The following CTDSPL2 variants were observed in gnomAD, a reference collection of about 807,000 sequenced individuals.
CTDSPL2 encodes the protein CTD small phosphatase-like protein 2.
Under a neutral mutation model 60.0 loss-of-function variants are expected in CTDSPL2, and 5 were observed. The observed-to-expected ratio is 0.08, with a 90% CI of 0.04 to 0.18. CTDSPL2 has a LOEUF of 0.18. Among genes scored for constraint, CTDSPL2 ranks in the 10% least tolerant of loss-of-function variants. The probability of loss-of-function intolerance (pLI) is 1.00; values close to 1 mark genes in which losing one functional copy is unlikely to be tolerated. For synonymous variants in CTDSPL2, 186 were observed against 189.3 expected, an observed-to-expected ratio of 0.98 and a Z score of 0.14; for missense variants, 370 against 548.8, an observed-to-expected ratio of 0.67 and a Z score of 3.26.
chr15:44,466,187 T>C (rs1371766999), intron 2 of CTDSPL2, among the ~76,000 whole-genome samples: 1 of 152,162 alleles, frequency 6.6e-6, no homozygotes, highest in Non-Finnish European at 1.5e-5. Context: ...TCCACCCGCC[T>C]CAGCCTCCCA....
chr15:44,509,332 G>A (rs540629344), intron 8 of CTDSPL2, among the ~76,000 whole-genome samples: 52 of 152,136 alleles, frequency 3.4e-4, no homozygotes, highest in Admixed American at 2.8e-3. Flanking sequence ...CTTTCAAGTA[G>A]CTGGGACTAC....
chr15:44,461,658 T>A (rs1261766687), intron 2 of CTDSPL2, among the ~76,000 whole-genome samples: 7 of 150,140 alleles, frequency 4.7e-5, no homozygotes, highest in Non-Finnish European at 1.0e-4. Context: ...CCACAAGCAG[T>A]CATCCCACCT....
At chr15:44,504,706 T>C (rs184361558) in intron 8 of CTDSPL2, among the ~76,000 whole-genome samples, 1 of 143,496 alleles carries the variant, frequency 7.0e-6, no homozygotes, top group African/African-American at 2.6e-5. Flanking sequence ...TCCTGTCCCT[T>C]CCAAAAAAAA....
intron 1 of CTDSPL2, among the ~76,000 whole-genome samples, chr15:44,452,370 A>G (rs563290868): frequency 3.0e-4 from 46 of 152,246 alleles, no homozygotes; most frequent in African/African-American, 1.0e-3. Context: ...TTATGATAGA[A>G]GTTCCTTTGT....
intron 1 of CTDSPL2, chr15:44,448,893 T>TA (rs2080276246): frequency 2.4e-6 from 1 of 418,342 alleles, no homozygotes; most frequent in Admixed American, 3.5e-5. Context: ...TGAATGTAGA[T>TA]ATAGCTTGCA....
chr15:44,468,715 C>T lies in CTDSPL2; in HGVS notation c.186+9515C>T, dbSNP rs980025236. ...AAATGAATGAACATGGCTTTGGACACGGGTACAGTAGTTCCCCCCTATCTT... is the reference window on the plus strand; with the variant it reads ...AAATGAATGAACATGGCTTTGGACATGGGTACAGTAGTTCCCCCCTATCTT... On this transcript the variant is annotated intron_variant, in intron 2 of 12. Coordinates refer to ENST00000260327, the MANE Select transcript of CTDSPL2 (RefSeq NM_016396.3). 4.6e-5 allele frequency among the ~76,000 whole-genome samples: 7 copies of T among 152,128 alleles called. No homozygotes were observed. In the East Asian group the frequency reaches 5.8e-4, roughly 13 times the overall value.
rs975527416 is a variant in CTDSPL2, at chr15:44,528,301, T to C, written c.*4127T>C. ...CCTGGAGCCTACCCCTGGAAAATTGTCTCGCTGGATCTCGAGAGGGGCCTG... is the reference window on the plus strand; with the variant it reads ...CCTGGAGCCTACCCCTGGAAAATTGCCTCGCTGGATCTCGAGAGGGGCCTG... On this transcript the variant is annotated 3_prime_UTR_variant, in exon 13 of 13. Transcript: ENST00000260327. 6.6e-6 allele frequency: 1 copy of C among 152,010 alleles called. No individual in the cohort carries two copies. The highest frequency in any genetic ancestry group is 1.5e-5 in the Non-Finnish European group (1 of 67,986). 9.4% of individuals were successfully genotyped at this position (152,010 alleles called of 1,614,324 possible). A position where few individuals can be genotyped will look rare whatever the true frequency, so the allele number is the denominator to read the frequency against.
intron 1 of CTDSPL2, 169 bp downstream of exon 1, chr15:44,427,941 C>T (rs2079779537): frequency 2.8e-6 from 1 of 352,548 alleles, no homozygotes; most frequent in Non-Finnish European, 5.1e-6. Flanking sequence ...TGCGGAGCCG[C>T]TCCTGTCTGG....
At chr15:44,472,213 A>G (rs1205143328) in intron 2 of CTDSPL2, among the ~76,000 whole-genome samples, 3 of 152,118 alleles carry the variant, frequency 2.0e-5, no homozygotes, top group Non-Finnish European at 4.4e-5. Context: ...TAAGAGCTTG[A>G]ATTGCTGGGT....
intron 4 of CTDSPL2, among the ~76,000 whole-genome samples, chr15:44,490,279 A>T (rs1595752376): frequency 1.3e-5 from 2 of 152,202 alleles, no homozygotes; most frequent in East Asian, 3.9e-4. Flanking sequence ...CTGGGATCAC[A>T]GATGTGCACC....
chr15:44,527,654 G>C lies in CTDSPL2; in HGVS notation c.*3480G>C, dbSNP rs1291990133. ...ACCTGACTTCTCTTTGTCTTCCTAG[G>C]TATTTATTTGTTATCTTTTAATCTT... is the stretch of plus-strand genomic sequence containing the variant. On this transcript the variant is annotated 3_prime_UTR_variant, in exon 13 of 13. Transcript: ENST00000260327. 6.6e-6 allele frequency: 1 copy of C among 152,112 alleles called. No homozygotes were observed. 9.4% of individuals were successfully genotyped at this position (152,112 alleles called of 1,614,324 possible).
At chr15:44,429,015 A>T (rs1045855842) in intron 1 of CTDSPL2, among the ~76,000 whole-genome samples, 1 of 152,182 alleles carries the variant, frequency 6.6e-6, no homozygotes, top group Non-Finnish European at 1.5e-5. Flanking sequence ...TAATCAAATT[A>T]AAATTTTAAA....
chr15:44,509,771 C>G (rs1338206594), intron 8 of CTDSPL2, among the ~76,000 whole-genome samples: 1 of 151,600 alleles, frequency 6.6e-6, no homozygotes, highest in South Asian at 2.1e-4. Flanking sequence ...ACTAAAAATA[C>G]AAAAATTAGC....
chr15:44,477,532 C>CT lies in CTDSPL2; in HGVS notation c.187-6687dup, dbSNP rs201263018. On this transcript the variant is annotated intron_variant, in intron 2 of 12. Transcript: ENST00000260327. ...CCTTGGTGACAGGGCAAGACCCTGT[C>CT]TTTTTAAAAAAAAAAAAGTACTTGC... 2.4e-3 allele frequency among the ~76,000 whole-genome samples: 340 copies of CT among 143,678 alleles called. 1 individual carries two copies. Among genetic ancestry groups the CT allele is most frequent in the African/African-American group, 7.7e-3 (294 of 38,092 alleles). 94.3% of individuals were successfully genotyped at this position (143,678 alleles called of 152,430 possible).
At chr15:44,486,517 C>G (rs936107685) in intron 3 of CTDSPL2, 34 bp from the exon 4 acceptor site, 1 of 1,445,258 alleles carries the variant, frequency 6.9e-7, no homozygotes, top group Middle Eastern at 2.4e-4. Context: ...TCAGTGTTTT[C>G]TAGATCATGA....
chr15:44,475,894 A>T (rs2080906474), intron 2 of CTDSPL2, among the ~76,000 whole-genome samples: 1 of 152,062 alleles, frequency 6.6e-6, no homozygotes. Context: ...TCATGCTTTC[A>T]TTTGCTATTG....
At position 44,477,244 on chromosome 15, in the gene CTDSPL2, A is replaced by G. The variant is rs573372903; in HGVS notation, c.187-6980A>G. Reference sequence around the variant, plus strand: ...ACCCTGTCTTTAATAAAAAGGGGAGAAAAGGGGGCCAGGCTCAGTGGCTTA... The same window carrying G: ...ACCCTGTCTTTAATAAAAAGGGGAGGAAAGGGGGCCAGGCTCAGTGGCTTA... On this transcript the variant is annotated intron_variant, in intron 2 of 12. Transcript: ENST00000260327. 3.1e-4 allele frequency among the ~76,000 whole-genome samples: 47 copies of G among 151,664 alleles called. 1 individual carries two copies. In the South Asian group the frequency reaches 9.4e-3, roughly 30 times the overall value.
intron 8 of CTDSPL2, among the ~76,000 whole-genome samples, chr15:44,508,651 T>C (rs562028923): frequency 1.7e-4 from 26 of 152,168 alleles, no homozygotes; most frequent in Non-Finnish European, 2.4e-4. Flanking sequence ...TGCCGGGCGC[T>C]GTGGCTAGCC....
At chr15:44,513,895 A>G (rs1406371202) in intron 8 of CTDSPL2, among the ~76,000 whole-genome samples, 1 of 152,186 alleles carries the variant, frequency 6.6e-6, no homozygotes, top group East Asian at 1.9e-4. Flanking sequence ...CAGAAATAAG[A>G]AAATAATGTA....
Sources: gnomAD v4.1 joint callset for allele counts (sites outside exome capture counted in the v4.1 genomes callset) on GRCh38, gnomAD v4.1.1 for gene constraint, MANE v1.5 for transcripts, NCBI Gene and HGNC (gene_info 2026-07-23, HGNC 2026-07-21) for gene names.